FSIP2: variants seen among roughly 807,000 people sequenced by gnomAD.
The protein encoded by FSIP2 is fibrous sheath interacting protein 2.
FSIP2 carries 367 observed loss-of-function variants against 510.5 expected under a neutral mutation model. That is an observed-to-expected ratio of 0.72 (90% CI 0.66 to 0.78). The LOEUF (loss-of-function observed/expected upper bound fraction) is 0.78. FSIP2 is among the 30% of genes least tolerant of loss of function. The probability of loss-of-function intolerance (pLI) is 0.00; values close to 1 mark genes in which losing one functional copy is unlikely to be tolerated. For synonymous variants in FSIP2, 2,601 were observed against 2,732.2 expected, an observed-to-expected ratio of 0.95 and a Z score of 1.50; for missense variants, 7,594 against 7,901.7, an observed-to-expected ratio of 0.96 and a Z score of 1.48.
chr2:185,791,116 C>A lies in FSIP2; in HGVS notation c.3980C>A (p.Ser1327Tyr), dbSNP rs1376932175. ...CTTAGGGAGATTGACCATACCAAAT[C>A]CCTTACAGATAAAGGATTTTTTGCT... Reference protein sequence around the residue: ...LNLREIDHTKSLTDKGFFANT... With the variant: ...LNLREIDHTKYLTDKGFFANT... The change falls in exon 16 of 23, where the codon TCC (serine) becomes TAC (tyrosine). Residue 1327 changes from serine to tyrosine, a missense_variant. Coordinates refer to ENST00000424728, the MANE Select transcript of FSIP2 (RefSeq NM_173651.4). 1 of 1,532,096 alleles carries A rather than the reference C, an allele frequency of 6.5e-7. No individual in the cohort carries two copies. Among genetic ancestry groups the A allele is most frequent in the Admixed American group, 2.0e-5 (1 of 50,718 alleles). The allele number at this position is 1,532,096 out of a possible 1,614,324, so 94.9% of individuals were successfully genotyped here.
At chr2:185,758,430 AAC>A (rs1219077657) in intron 9 of FSIP2, among the ~76,000 whole-genome samples, 1 of 151,376 alleles carries the variant, frequency 6.6e-6, no homozygotes, top group Admixed American at 6.6e-5. Context: ...AATGTCGAGT[AAC>A]ACATATTATG....
intron 21 of FSIP2, among the ~76,000 whole-genome samples, chr2:185,828,841 G>A (rs772440978): frequency 1.1e-4 from 17 of 151,614 alleles, no homozygotes; most frequent in African/African-American, 2.2e-4. Flanking sequence ...AACACCCTTC[G>A]AGTGGGTCCT....
At chr2:185,738,328 A>T, upstream of FSIP2, 1 of 402,334 alleles carries the variant, frequency 2.5e-6, no homozygotes, top group Non-Finnish European at 4.5e-6. Context: ...AGAGTGGTAA[A>T]GGGCGCTAGA....
intron 17 of FSIP2, among the ~76,000 whole-genome samples, chr2:185,811,586 TAGAG>T (rs1693731835): frequency 2.0e-5 from 3 of 152,016 alleles, no homozygotes; most frequent in African/African-American, 2.4e-5. Context: ...TACCAGTTCT[TAGAG>T]AAAGTTCCAA....
chr2:185,796,393 T>C lies in FSIP2; in HGVS notation c.9257T>C (p.Ile3086Thr), dbSNP rs913126640. 21 of 1,533,714 alleles carry C rather than the reference T, an allele frequency of 1.4e-5. No individual in the cohort carries two copies. Among genetic ancestry groups the C allele is most frequent in the Admixed American group, 5.9e-5 (3 of 50,848 alleles). Residue 3086 changes from isoleucine to threonine, a missense_variant, in exon 16 of 23, where the codon ATC becomes ACC. By Grantham distance (89) the Ile-to-Thr change is moderately conservative. Coordinates refer to ENST00000424728, the MANE Select transcript of FSIP2 (RefSeq NM_173651.4). ...SQLLTYAVNI[I>T]SDMLAVIKNK... ...TTACTTACATATGCTGTTAATATCATCAGTGACATGCTTGCTGTAATTAAG... is the reference window on the plus strand; with the variant it reads ...TTACTTACATATGCTGTTAATATCACCAGTGACATGCTTGCTGTAATTAAG...
chr2:185,806,887 T>C lies in FSIP2; in HGVS notation c.17581T>C (p.Ser5861Pro), dbSNP rs1344347516. 4 of 1,608,738 alleles carry C rather than the reference T, an allele frequency of 2.5e-6. No individual in the cohort carries two copies. The highest frequency in any genetic ancestry group is 3.4e-6 in the Non-Finnish European group (4 of 1,177,974). The change falls in exon 17 of 23, where the codon TCT (serine) becomes CCT (proline). Residue 5861 changes from serine to proline, a missense_variant. Ser to Pro is a moderately conservative substitution (Grantham distance 74). Transcript: ENST00000424728. Reference sequence around the variant, plus strand: ...AAATCAGTTCCCTGGGGGTAAAGTGTCTTCAGTTCCTAAAGTACCTCCAAG... The same window carrying C: ...AAATCAGTTCCCTGGGGGTAAAGTGCCTTCAGTTCCTAAAGTACCTCCAAG... ...KGNQFPGGKV[S>P]SVPKVPPRYK... is the part of the protein sequence containing the mutation.
Position 185,789,649 on chromosome 2 carries a change from A to G in FSIP2, c.2513A>G (p.Lys838Arg). Residue 838 changes from lysine (K) to arginine (R), a missense_variant, in exon 16 of 23, where the codon AAG becomes AGG. By Grantham distance (26) the Lys-to-Arg change is conservative. Coordinates refer to ENST00000424728, the MANE Select transcript of FSIP2 (RefSeq NM_173651.4). The part of the protein sequence containing the change: ...LEKLMTLVSF[K>R]QNEFLHLKDT... The stretch of plus-strand genomic sequence containing the variant: ...AAGCTAATGACTCTTGTTTCTTTTA[A>G]GCAAAATGAATTTCTTCATCTTAAA... 2 of 1,534,258 alleles carry G rather than the reference A, an allele frequency of 1.3e-6. No homozygotes were observed. Among genetic ancestry groups the G allele is most frequent in the Non-Finnish European group, 1.7e-6 (2 of 1,145,728 alleles).
rs951314582 is a variant in FSIP2 at position 185,792,410 on chromosome 2, C to T, written c.5274C>T (p.Leu1758=). Residue 1758 remains leucine (L), a synonymous_variant, in exon 16 of 23, where the codon CTC becomes CTT. Transcript: ENST00000424728. ...VKTRSLKQWA[L]EKTLNKIEVK... is the part of the protein sequence containing the mutation. ...CACGTTCTCTTAAACAATGGGCTCTCGAAAAAACCTTAAACAAAATTGAAG... is the reference window on the plus strand; with the variant it reads ...CACGTTCTCTTAAACAATGGGCTCTTGAAAAAACCTTAAACAAAATTGAAG... The T allele has an allele frequency of 7.2e-6, 11 of 1,533,506 alleles. No homozygotes were observed. Among genetic ancestry groups the T allele is most frequent in the South Asian group, 3.6e-5 (3 of 83,930 alleles). 95.0% of individuals were successfully genotyped at this position (1,533,506 alleles called of 1,614,324 possible).
In FSIP2 at chr2:185,795,045, C is replaced by T. The variant is rs1182115673; in HGVS notation, c.7909C>T (p.Leu2637Phe). ...GAAGAAAGACTTAATTCAAATGGTTCTCAATAAGATCACAAATTTTGTCTC... is the reference window on the plus strand; with the variant it reads ...GAAGAAAGACTTAATTCAAATGGTTTTCAATAAGATCACAAATTTTGTCTC... Reference protein sequence around the residue: ...QVKKDLIQMVLNKITNFVSLP... With the variant: ...QVKKDLIQMVFNKITNFVSLP... Residue 2637 changes from leucine (L) to phenylalanine (F), a missense_variant, in exon 16 of 23, where the codon CTC becomes TTC. Physicochemically the swap from Leu to Phe is conservative, Grantham distance 22 (BLOSUM62 0). Transcript: ENST00000424728. The T allele has an allele frequency of 2.6e-6, 4 of 1,534,518 alleles. No individual in the cohort carries two copies. The highest frequency in any genetic ancestry group is 2.0e-5 in the Admixed American group (1 of 50,836).
At chr2:185,754,993 CAT>C (rs750135635) in intron 8 of FSIP2, among the ~76,000 whole-genome samples, 47 of 151,658 alleles carry the variant, frequency 3.1e-4, no homozygotes, top group African/African-American at 9.4e-4. Context: ...TCCTAAAACA[CAT>C]GTTACCTTTC....
intron 13 of FSIP2, among the ~76,000 whole-genome samples, chr2:185,778,275 G>A (rs751148057): frequency 1.3e-5 from 2 of 151,850 alleles, no homozygotes; most frequent in Non-Finnish European, 2.9e-5. Flanking sequence ...TAATGTCTCT[G>A]TTCTTTAGAT....
chr2:185,816,075 C>T (rs750160845), intron 19 of FSIP2, among the ~76,000 whole-genome samples: 2 of 151,976 alleles, frequency 1.3e-5, no homozygotes, highest in African/African-American at 4.8e-5. Context: ...TGATTCATAA[C>T]TCTATCAAGA....
Position 185,790,435 on chromosome 2 carries a change from A to G in FSIP2, c.3299A>G (p.His1100Arg), listed in dbSNP as rs1469335167. ...TCAACTTTCAGCCAAGATCAAAAGC[A>G]TCAAATAGAAAAGGCTTCAGAAAAC... is the stretch of plus-strand genomic sequence containing the variant. ...DISTFSQDQK[H>R]QIEKASENIV... Residue 1100 changes from histidine (H) to arginine (R), a missense_variant, in exon 16 of 23, where the codon CAT becomes CGT. Coordinates refer to ENST00000424728, the MANE Select transcript of FSIP2 (RefSeq NM_173651.4). 41 of 1,533,050 alleles carry G rather than the reference A, an allele frequency of 2.7e-5. No homozygotes were observed. The East Asian group carries it at 9.8e-4, about 37-fold the overall frequency. The allele number at this position is 1,533,050 out of a possible 1,614,324, so 95.0% of individuals were successfully genotyped here.
rs1195809152 is a variant in FSIP2 at position 185,793,810 on chromosome 2, C to T, written c.6674C>T (p.Ala2225Val). The T allele has an allele frequency of 1.8e-5, 28 of 1,532,750 alleles. No homozygotes were observed. Among genetic ancestry groups the T allele is most frequent in the Non-Finnish European group, 2.4e-5 (27 of 1,145,362 alleles). 94.9% of individuals were successfully genotyped at this position (1,532,750 alleles called of 1,614,324 possible). The change falls in exon 16 of 23, where the codon GCT becomes GTT. Residue 2225 changes from alanine to valine, a missense_variant. By Grantham distance (64) the Ala-to-Val change is moderately conservative. Coordinates refer to ENST00000424728, the MANE Select transcript of FSIP2 (RefSeq NM_173651.4). ...TCAAGAAATCAGAAATCAGCTTATG[C>T]TGATGATAATCAGATAACTGTAGTA... ...SYSRNQKSAY[A>V]DDNQITVVEK...
Position 185,791,250 on chromosome 2 carries a change from C to T in FSIP2, c.4114C>T (p.His1372Tyr). 1 of 1,533,910 alleles carries T rather than the reference C, an allele frequency of 6.5e-7. No homozygotes were observed. Among genetic ancestry groups the T allele is most frequent in the Non-Finnish European group, 8.7e-7 (1 of 1,145,418 alleles). Residue 1372 changes from histidine to tyrosine, a missense_variant, in exon 16 of 23, where the codon CAT (histidine) becomes TAT (tyrosine). His to Tyr is a moderately conservative substitution (Grantham distance 83). Transcript: ENST00000424728. ...TATGTTGTTATCAAGTGAAAATGCA[C>T]ATCAAAGAAGCATTTCACTCTCTTC... ...YDMLLSSENAHQRSISLSSRK... is the reference protein window; with the variant it reads ...YDMLLSSENAYQRSISLSSRK...
At chr2:185,777,355 A>C (rs1692748453) in intron 13 of FSIP2, among the ~76,000 whole-genome samples, 1 of 151,714 alleles carries the variant, frequency 6.6e-6, no homozygotes, top group Non-Finnish European at 1.5e-5. Context: ...TGCGAATAAT[A>C]AAATTTAGTT....
Position 185,801,585 on chromosome 2 carries a change from A to C in FSIP2, c.12279A>C (p.Pro4093=), listed in dbSNP as rs570328796. ...TAGAGATTTTAGACTACAAACTGCC[A>C]TCTTGCTTCAAGGAACATCTCATAC... is the stretch of plus-strand genomic sequence containing the variant. The part of the protein sequence containing the change: ...ILLEILDYKL[P]SCFKEHLIPH... The change falls in exon 17 of 23, where the codon CCA becomes CCC. Residue 4093 remains proline, a synonymous_variant. Transcript: ENST00000424728. The C allele has an allele frequency of 5.9e-6, 9 of 1,534,132 alleles. No homozygotes were observed. The African/African-American group carries it at 1.1e-4, about 19-fold the overall frequency.
chr2:185,821,009 T>TAAAAAAAAAAAA (rs59331328), intron 19 of FSIP2, among the ~76,000 whole-genome samples: 1 of 74,962 alleles, frequency 1.3e-5, no homozygotes. Context: ...GTTGGTTCGT[T>TAAAAAAAAAAAA]AAAAAAAAAA....
chr2:185,738,469 T>G, upstream of FSIP2: 4 of 767,982 alleles, frequency 5.2e-6, no homozygotes, highest in East Asian at 2.7e-5. Flanking sequence ...GTGTGGTCTA[T>G]ATGGGGGAAG....
Sources: allele counts gnomAD v4.1 joint callset (sites outside exome capture counted in the v4.1 genomes callset), GRCh38; gene constraint gnomAD v4.1.1; transcripts MANE v1.5; gene names NCBI Gene and HGNC (gene_info 2026-07-23, HGNC 2026-07-21).